FAF1: variants seen among roughly 807,000 people sequenced by gnomAD.
FAF1 encodes the protein Fas associated factor 1, also known as FAS-associated factor 1.
A neutral mutation model predicts 92.5 loss-of-function variants in FAF1; 25 were observed. The ratio of observed to expected loss-of-function variants is 0.27; its 90% CI spans 0.20 to 0.38. FAF1 has a LOEUF of 0.38. Among genes scored for constraint, FAF1 ranks in the 10% least tolerant of loss-of-function variants. The probability of loss-of-function intolerance (pLI) is 1.00; values close to 1 mark genes in which losing one functional copy is unlikely to be tolerated. For missense variants in FAF1, 636 were observed against 793.3 expected, an observed-to-expected ratio of 0.80 and a Z score of 2.38; for synonymous variants, 234 against 273.2, an observed-to-expected ratio of 0.86 and a Z score of 1.42.
At chr1:50,483,178 A>C (rs181961322) in intron 17 of FAF1, among the ~76,000 whole-genome samples, 8 of 152,170 alleles carry the variant, frequency 5.3e-5, no homozygotes, top group Admixed American at 5.2e-4. Context: ...ATATGAATTG[A>C]AGCATTTTAA....
intron 1 of FAF1, among the ~76,000 whole-genome samples, chr1:50,868,770 T>C (rs1008439543): frequency 4.6e-5 from 7 of 152,216 alleles, no homozygotes; most frequent in African/African-American, 1.7e-4. Context: ...TGGAGAACTT[T>C]ATCTATATGA....
At chr1:50,755,430 C>T (rs186261301) in intron 4 of FAF1, among the ~76,000 whole-genome samples, 25 of 152,314 alleles carry the variant, frequency 1.6e-4, no homozygotes, top group African/African-American at 4.3e-4. Flanking sequence ...TGGGCAGCTC[C>T]GCCCTTGTGG....
intron 8 of FAF1, among the ~76,000 whole-genome samples, chr1:50,639,627 CTT>C (rs1035003290): frequency 2.0e-5 from 3 of 151,930 alleles, no homozygotes; most frequent in African/African-American, 7.3e-5. Flanking sequence ...ATCCTTCCCT[CTT>C]CTTTCTTTTT....
At chr1:50,746,211 C>G (rs1402437923) in intron 4 of FAF1, among the ~76,000 whole-genome samples, 1 of 135,130 alleles carries the variant, frequency 7.4e-6, no homozygotes, top group East Asian at 2.3e-4. Context: ...GTACCCTACG[C>G]TCGTATGTGT....
chr1:50,542,559 C>T (rs1460242970), intron 13 of FAF1, among the ~76,000 whole-genome samples: 1 of 152,192 alleles, frequency 6.6e-6, no homozygotes, highest in Non-Finnish European at 1.5e-5. Context: ...TGTACCAGTG[C>T]ATCCAGTGGC....
chr1:50,606,317 A>G (rs963533561), intron 8 of FAF1, among the ~76,000 whole-genome samples: 2 of 152,112 alleles, frequency 1.3e-5, no homozygotes, highest in African/African-American at 4.8e-5. Context: ...TCTTTTCCAT[A>G]CCAAAGATAT....
At chr1:50,548,845 C>T (rs528323801) in intron 13 of FAF1, among the ~76,000 whole-genome samples, 24 of 152,318 alleles carry the variant, frequency 1.6e-4, no homozygotes, top group African/African-American at 2.2e-4. Flanking sequence ...ACTATGGAGT[C>T]GAACAAATCT....
At chr1:50,863,381 T>G (rs1021124495) in intron 1 of FAF1, among the ~76,000 whole-genome samples, 1 of 151,840 alleles carries the variant, frequency 6.6e-6, no homozygotes, top group East Asian at 1.9e-4. Context: ...AAGAGGAAAG[T>G]TCATACCATT....
At chr1:50,449,489 C>CTTTTTTTT (rs373425527) in intron 18 of FAF1, among the ~76,000 whole-genome samples, 1 of 124,618 alleles carries the variant, frequency 8.0e-6, no homozygotes, top group Non-Finnish European at 1.7e-5. Context: ...CTTTTTCTTT[C>CTTTTTTTT]TTTTTTTTTT....
intron 4 of FAF1, among the ~76,000 whole-genome samples, chr1:50,775,199 T>A (rs1660911872): frequency 6.6e-6 from 1 of 152,128 alleles, no homozygotes; most frequent in Admixed American, 6.5e-5. Flanking sequence ...TGTACATTTT[T>A]AAAATTTCCT....
intron 1 of FAF1, among the ~76,000 whole-genome samples, chr1:50,884,539 A>AT (rs1395209069): frequency 2.1e-4 from 31 of 149,842 alleles, no homozygotes; most frequent in African/African-American, 6.5e-4. Flanking sequence ...AAAAAAAAAA[A>AT]TTTTTTTTCT....
At chr1:50,448,243 T>C (rs576518488) in intron 18 of FAF1, among the ~76,000 whole-genome samples, 5 of 152,222 alleles carry the variant, frequency 3.3e-5, no homozygotes, top group African/African-American at 7.2e-5. Flanking sequence ...GTGGTTTGAG[T>C]TCCCCAGTGG....
chr1:50,678,290 G>A (rs561340251), intron 7 of FAF1, among the ~76,000 whole-genome samples: 19 of 152,296 alleles, frequency 1.2e-4, no homozygotes, highest in African/African-American at 3.8e-4. Flanking sequence ...AGTTCAAGGG[G>A]GGTGGGAGTA....
intron 8 of FAF1, among the ~76,000 whole-genome samples, chr1:50,613,685 C>T (rs1387491237): frequency 6.6e-6 from 1 of 152,028 alleles, no homozygotes; most frequent in East Asian, 1.9e-4. Flanking sequence ...TTTTAGGACT[C>T]CCACTCAAGT....
chr1:50,611,788 G>C (rs944327955), intron 8 of FAF1, among the ~76,000 whole-genome samples: 6 of 152,094 alleles, frequency 3.9e-5, no homozygotes, highest in African/African-American at 1.4e-4. Flanking sequence ...ACATTACTTG[G>C]TCAGAGTTAA....
At chr1:50,926,051 A>G (rs947370967) in intron 1 of FAF1, among the ~76,000 whole-genome samples, 2 of 152,152 alleles carry the variant, frequency 1.3e-5, no homozygotes, top group Non-Finnish European at 2.9e-5. Flanking sequence ...CCCCATCTCT[A>G]TAAAAAGTAA....
At position 50,541,003 on chromosome 1, in the gene FAF1, A is replaced by G. The variant is rs185478252; in HGVS notation, c.1269-1275T>C. 2.2e-4 allele frequency among the ~76,000 whole-genome samples: 34 copies of G among 152,350 alleles called. 1 individual carries two copies. In the East Asian group the frequency reaches 5.4e-3, roughly 24 times the overall value. On this transcript the variant is annotated intron_variant, in intron 13 of 18. Transcript: ENST00000396153. ...AAATGTATGTTCTAGCTGATGAGCA[A>G]AGTCCTGTCATCACATGCATTAGAA...
chr1:50,917,682 AG>A (rs1644930233), intron 1 of FAF1, among the ~76,000 whole-genome samples: 1 of 149,272 alleles, frequency 6.7e-6, no homozygotes, highest in South Asian at 2.2e-4. Flanking sequence ...AGGAAAGGAA[AG>A]GAAAGGAAAG....
At chr1:50,783,338 A>G (rs529853481) in intron 4 of FAF1, among the ~76,000 whole-genome samples, 7 of 152,200 alleles carry the variant, frequency 4.6e-5, no homozygotes, top group Non-Finnish European at 1.0e-4. Context: ...AGGAGGGAAT[A>G]CTTCCTAACT....
Sources: gnomAD v4.1 joint callset for allele counts (sites outside exome capture counted in the v4.1 genomes callset) on GRCh38, gnomAD v4.1.1 for gene constraint, MANE v1.5 for transcripts, NCBI Gene and HGNC (gene_info 2026-07-23, HGNC 2026-07-21) for gene names.